The following CDH2 variants were observed in gnomAD, a reference collection of about 807,000 sequenced individuals.
The protein encoded by CDH2 is cadherin 2.
CDH2 carries 17 observed loss-of-function variants against 92.0 expected under a neutral mutation model. The ratio of observed to expected loss-of-function variants is 0.18; its 90% CI spans 0.13 to 0.28. The LOEUF is 0.28. CDH2 is among the 10% of genes least tolerant of loss of function. The probability of loss-of-function intolerance (pLI) is 1.00; values close to 1 mark genes in which losing one functional copy is unlikely to be tolerated. For missense variants in CDH2, 862 were observed against 1,133.1 expected (o/e 0.76, Z 3.44); for synonymous variants, 419 against 415.9 (o/e 1.01, Z -0.09).
intron 2 of CDH2, among the ~76,000 whole-genome samples, chr18:28,141,611 C>T (rs1480328019): frequency 7.9e-5 from 12 of 152,010 alleles, no homozygotes; most frequent in Non-Finnish European, 1.5e-4. Flanking sequence ...CTTCTCTCAT[C>T]AGATTATTAC....
chr18:28,031,395 A>T (rs909990417), intron 2 of CDH2, among the ~76,000 whole-genome samples: 2 of 152,106 alleles, frequency 1.3e-5, no homozygotes, highest in African/African-American at 4.8e-5. Context: ...CATAAGTCAT[A>T]GATAGAAGAC....
downstream of CDH2, among the ~76,000 whole-genome samples, chr18:27,947,963 A>G (rs1470227109): frequency 6.7e-6 from 1 of 149,804 alleles, no homozygotes; most frequent in African/African-American, 2.4e-5. Context: ...TAAAGAATGC[A>G]TTCCACATGG....
chr18:27,970,950 T>C (rs973272815), intron 14 of CDH2, among the ~76,000 whole-genome samples: 4 of 152,120 alleles, frequency 2.6e-5, no homozygotes, highest in Non-Finnish European at 4.4e-5. Context: ...CAGAAGTCTA[T>C]GTGTAGGCTG....
intron 15 of CDH2, among the ~76,000 whole-genome samples, chr18:27,953,966 T>G (rs899493207): frequency 2.0e-5 from 3 of 152,186 alleles, no homozygotes; most frequent in Non-Finnish European, 4.4e-5. Flanking sequence ...TGGCAGCTGC[T>G]TGACTCACGT....
intron 2 of CDH2, among the ~76,000 whole-genome samples, chr18:28,143,007 T>G (rs1285643811): frequency 6.6e-6 from 1 of 152,016 alleles, no homozygotes; most frequent in South Asian, 2.1e-4. Flanking sequence ...TACCGCAGCT[T>G]CTTCTGACCA....
intron 2 of CDH2, among the ~76,000 whole-genome samples, chr18:28,107,689 A>G (rs866796690): frequency 5.3e-5 from 8 of 152,268 alleles, no homozygotes; most frequent in Middle Eastern, 3.4e-3. Context: ...GCATACCAGG[A>G]AAGAGTGCAG....
At chr18:27,939,142 C>T (rs1909081260) in intron 6 of CDH2, among the ~76,000 whole-genome samples, 2 of 152,192 alleles carry the variant, frequency 1.3e-5, no homozygotes, top group Admixed American at 1.3e-4. Context: ...TTTGGCTCTA[C>T]ATGATGGCCT....
chr18:27,961,884 G>A (rs1256984607), intron 15 of CDH2, among the ~76,000 whole-genome samples: 18 of 151,980 alleles, frequency 1.2e-4, no homozygotes, highest in Admixed American at 1.2e-3. Context: ...AGGATCATTT[G>A]AGCCCAAGAA....
At chr18:27,936,225 A>C (rs1445242743) in intron 6 of CDH2, among the ~76,000 whole-genome samples, 1 of 152,224 alleles carries the variant, frequency 6.6e-6, no homozygotes, top group African/African-American at 2.4e-5. Flanking sequence ...GGTCTTTTAT[A>C]TACCTTTTCC....
intron 14 of CDH2, among the ~76,000 whole-genome samples, chr18:27,977,200 T>G (rs2011860759): frequency 6.6e-6 from 1 of 152,200 alleles, no homozygotes; most frequent in African/African-American, 2.4e-5. Context: ...CTAACAGCCC[T>G]GTGTGGAGAT....
chr18:28,048,548 C>T (rs998365466), intron 2 of CDH2, among the ~76,000 whole-genome samples: 3 of 152,230 alleles, frequency 2.0e-5, no homozygotes, highest in Admixed American at 6.5e-5. Flanking sequence ...CCAAAGCATA[C>T]AAAGTGGGCA....
intron 2 of CDH2, chr18:28,045,474 C>T (rs1366216646): frequency 4.3e-6 from 2 of 463,844 alleles, no homozygotes; most frequent in Non-Finnish European, 8.9e-6. Context: ...ATTCTCTCAT[C>T]ATGGTCTTGT....
chr18:28,132,491 G>A (rs1048632655), intron 2 of CDH2, among the ~76,000 whole-genome samples: 1 of 152,134 alleles, frequency 6.6e-6, no homozygotes, highest in Non-Finnish European at 1.5e-5. Flanking sequence ...AAGGAGGTGA[G>A]GAGAGAAGGA....
intron 2 of CDH2, among the ~76,000 whole-genome samples, chr18:28,134,354 C>A (rs1451387477): frequency 6.6e-6 from 1 of 151,986 alleles, no homozygotes; most frequent in Non-Finnish European, 1.5e-5. Context: ...CTGTCCCCTT[C>A]CCCCAGCCTT....
At chr18:28,012,471 T>A (rs2013128567) in intron 3 of CDH2, among the ~76,000 whole-genome samples, 1 of 152,212 alleles carries the variant, frequency 6.6e-6, no homozygotes, top group South Asian at 2.1e-4. Context: ...ACAGAATTAA[T>A]GCTGTAATTA....
intron 1 of CDH2, 65 bp from the exon 2 acceptor site, chr18:28,147,849 T>C (rs1232730427): frequency 3.3e-6 from 3 of 908,490 alleles, no homozygotes; most frequent in East Asian, 4.8e-5. Flanking sequence ...CTGAGAAACA[T>C]TCCACTTGGC....
intron 14 of CDH2, among the ~76,000 whole-genome samples, chr18:27,976,395 G>A (rs554172745): frequency 1.3e-5 from 2 of 152,284 alleles, no homozygotes; most frequent in African/African-American, 4.8e-5. Context: ...AATGTTTCAA[G>A]TCAAATTCTG....
At chr18:27,954,016 A>G (rs1909591979) in intron 15 of CDH2, among the ~76,000 whole-genome samples, 1 of 152,174 alleles carries the variant, frequency 6.6e-6, no homozygotes, top group South Asian at 2.1e-4. Context: ...CAGTTTTCTC[A>G]TCTCCAGGTA....
At chr18:28,012,967 T>C (rs969416023) in intron 3 of CDH2, among the ~76,000 whole-genome samples, 2 of 152,172 alleles carry the variant, frequency 1.3e-5, no homozygotes, top group Admixed American at 1.3e-4. Flanking sequence ...CTTCAGAATA[T>C]ATGGGTGTGT....
Sources: gnomAD v4.1 joint callset for allele counts (sites outside exome capture counted in the v4.1 genomes callset) on GRCh38, gnomAD v4.1.1 for gene constraint, MANE v1.5 for transcripts, NCBI Gene and HGNC (gene_info 2026-07-23, HGNC 2026-07-21) for gene names.